Variants in KIAA1217 observed in about 807,000 individuals in gnomAD.
The protein encoded by KIAA1217 is sickle tail protein homolog.
Under a neutral mutation model 163.9 loss-of-function variants are expected in KIAA1217, and 88 were observed. The observed-to-expected ratio is 0.54, with a 90% CI of 0.45 to 0.64. The LOEUF (loss-of-function observed/expected upper bound fraction) is 0.64, where lower values mean the gene tolerates loss of function less well. Among genes scored for constraint, KIAA1217 ranks in the 30% least tolerant of loss-of-function variants. KIAA1217 has a pLI of 0.00. For synonymous variants in KIAA1217, 903 were observed against 923.1 expected (o/e 0.98, Z 0.39); for missense variants, 2,372 against 2,475.0 (o/e 0.96, Z 0.88).
At chr10:23,844,810 T>A (rs1290307996) in intron 1 of KIAA1217, among the ~76,000 whole-genome samples, 1 of 152,082 alleles carries the variant, frequency 6.6e-6, no homozygotes, top group Non-Finnish European at 1.5e-5. Flanking sequence ...TACATAGGTA[T>A]ACACATGCCA....
intron 1 of KIAA1217, among the ~76,000 whole-genome samples, chr10:23,828,354 A>G (rs2131032200): frequency 6.6e-6 from 1 of 152,206 alleles, no homozygotes; most frequent in African/African-American, 2.4e-5. Context: ...TGCTCTCCAA[A>G]CTTCTAGAAG....
At chr10:24,307,101 C>T (rs1182390690) in intron 2 of KIAA1217, among the ~76,000 whole-genome samples, 1 of 152,218 alleles carries the variant, frequency 6.6e-6, no homozygotes, top group Non-Finnish European at 1.5e-5. Context: ...TCCTCCATCA[C>T]AGAAGGTTCC....
intron 2 of KIAA1217, among the ~76,000 whole-genome samples, chr10:24,127,199 A>G (rs925458718): frequency 7.2e-5 from 11 of 152,160 alleles, no homozygotes; most frequent in Non-Finnish European, 1.3e-4. Context: ...CAGCTTGAAA[A>G]GTATTAAACT....
intron 16 of KIAA1217, among the ~76,000 whole-genome samples, chr10:24,535,992 T>G (rs1353369381): frequency 6.6e-6 from 1 of 152,150 alleles, no homozygotes; most frequent in Non-Finnish European, 1.5e-5. Context: ...TCCATAAACT[T>G]GGGTCCCTGA....
At chr10:23,759,194 TTTC>T (rs1365361949) in intron 1 of KIAA1217, among the ~76,000 whole-genome samples, 2 of 152,328 alleles carry the variant, frequency 1.3e-5, no homozygotes, top group African/African-American at 4.8e-5. Context: ...ATGGAGTTGT[TTTC>T]TTATTTCCTT....
chr10:24,116,799 A>G (rs184628713), intron 2 of KIAA1217, among the ~76,000 whole-genome samples: 1 of 152,194 alleles, frequency 6.6e-6, no homozygotes, highest in Non-Finnish European at 1.5e-5. Flanking sequence ...GGAAACTTTT[A>G]CTCCACAAAA....
chr10:23,980,210 T>C (rs1845707519), intron 1 of KIAA1217, among the ~76,000 whole-genome samples: 1 of 152,160 alleles, frequency 6.6e-6, no homozygotes, highest in Admixed American at 6.5e-5. Context: ...GTCCCGAGAA[T>C]GGGACACTCT....
chr10:24,145,474 G>A (rs1332051083), intron 2 of KIAA1217, among the ~76,000 whole-genome samples: 1 of 152,230 alleles, frequency 6.6e-6, no homozygotes, highest in Non-Finnish European at 1.5e-5. Context: ...CAAACTTCAA[G>A]AAAGGCAAAG....
Position 24,473,870 on chromosome 10 carries a change from C to G in KIAA1217, c.1489C>G (p.His497Asp). 1 of 1,614,166 alleles carries G rather than the reference C, an allele frequency of 6.2e-7. No homozygotes were observed. Among genetic ancestry groups the G allele is most frequent in the Non-Finnish European group, 8.5e-7 (1 of 1,180,032 alleles). ...TCACTATAATGCCCACGGCCCCCCT[C>G]ACACCATGCAGCCAGACCGGGCCTC... ...HAHYNAHGPP[H>D]TMQPDRASPS... The change falls in exon 6 of 21, where the codon CAC becomes GAC. Residue 497 changes from histidine to aspartate, a missense_variant. Transcript: ENST00000376454.
At chr10:23,737,365 A>AC (rs1838871183) in intron 1 of KIAA1217, among the ~76,000 whole-genome samples, 1 of 149,654 alleles carries the variant, frequency 6.7e-6, no homozygotes, top group Non-Finnish European at 1.5e-5. Flanking sequence ...TGCCTAGCTA[A>AC]TTTTTTTTTA....
At chr10:24,088,256 C>CATATACATATATATATATAT (rs1554861323) in intron 2 of KIAA1217, among the ~76,000 whole-genome samples, 28 of 95,848 alleles carry the variant, frequency 2.9e-4, no homozygotes, top group African/African-American at 8.7e-4. Flanking sequence ...TTTTAATATA[C>CATATACATATATATATATAT]ATATATATAT....
At chr10:24,028,022 T>G (rs1258654506) in intron 2 of KIAA1217, among the ~76,000 whole-genome samples, 2 of 152,154 alleles carry the variant, frequency 1.3e-5, no homozygotes, top group African/African-American at 4.8e-5. Context: ...TGAGTTAACA[T>G]GTGAAAAGTG....
chr10:24,324,574 A>C (rs560393485), intron 2 of KIAA1217, among the ~76,000 whole-genome samples: 1 of 152,168 alleles, frequency 6.6e-6, no homozygotes, highest in Non-Finnish European at 1.5e-5. Flanking sequence ...ATCAAAACAA[A>C]CAAACAAACA....
At chr10:23,900,196 A>G (rs10828569) in intron 1 of KIAA1217, among the ~76,000 whole-genome samples, 38,350 of 151,330 alleles carry the variant, frequency 0.25, 4,922 homozygotes, top group Middle Eastern at 0.33. Flanking sequence ...AGTAGAGATG[A>G]GGTTTTGCAA....
intron 1 of KIAA1217, among the ~76,000 whole-genome samples, chr10:23,963,356 AC>A (rs1844903715): frequency 6.6e-6 from 1 of 152,150 alleles, no homozygotes; most frequent in African/African-American, 2.4e-5. Context: ...ATGAGTGAGA[AC>A]CTGCAGTGCT....
intron 2 of KIAA1217, among the ~76,000 whole-genome samples, chr10:24,253,245 A>C (rs567570821): frequency 2.0e-5 from 3 of 152,274 alleles, no homozygotes; most frequent in South Asian, 2.1e-4. Context: ...GAGTGATAGA[A>C]GAGAGTTAGC....
chr10:23,834,680 G>A (rs760315252), intron 1 of KIAA1217, among the ~76,000 whole-genome samples: 1 of 152,104 alleles, frequency 6.6e-6, no homozygotes, highest in Non-Finnish European at 1.5e-5. Flanking sequence ...AAAGGAACAG[G>A]TAGAAGCAAT....
intron 2 of KIAA1217, among the ~76,000 whole-genome samples, chr10:24,023,430 C>T (rs1210244786): frequency 3.3e-5 from 5 of 151,618 alleles, no homozygotes; most frequent in Admixed American, 6.6e-5. Flanking sequence ...TTGAATTGCA[C>T]AGGTCCTCTT....
At chr10:24,307,734 A>G (rs2042172376) in intron 2 of KIAA1217, among the ~76,000 whole-genome samples, 1 of 152,118 alleles carries the variant, frequency 6.6e-6, no homozygotes, top group East Asian at 1.9e-4. Context: ...TTGAGCCGTG[A>G]TTGTGCTACT....
Sources: gnomAD v4.1 joint callset for allele counts (sites outside exome capture counted in the v4.1 genomes callset) on GRCh38, gnomAD v4.1.1 for gene constraint, MANE v1.5 for transcripts, NCBI Gene and HGNC (gene_info 2026-07-23, HGNC 2026-07-21) for gene names.